PSAP: variants seen among roughly 807,000 people sequenced by gnomAD.
PSAP encodes precursor of saposins.
Under a neutral mutation model 66.0 loss-of-function variants are expected in PSAP, and 25 were observed. The ratio of observed to expected loss-of-function variants is 0.38; its 90% CI spans 0.28 to 0.53. PSAP has a LOEUF of 0.53. Ranked by LOEUF, PSAP falls within the 20% of genes least tolerant of loss-of-function variation. The pLI, the probability that PSAP is intolerant of heterozygous loss-of-function variation, is 0.83. For missense variants in PSAP, 649 were observed against 668.8 expected (o/e 0.97, Z 0.33); for synonymous variants, 273 against 258.9 (o/e 1.05, Z -0.52).
intron 1 of PSAP, among the ~76,000 whole-genome samples, chr10:71,843,425 A>ACT (rs141744411): frequency 0.025 from 3,856 of 152,168 alleles, 164 homozygotes; most frequent in African/African-American, 0.089. Context: ...TGAAAAAGAG[A>ACT]CTTACTCGTA....
At chr10:71,836,521 C>T (rs1842631821) in intron 1 of PSAP, among the ~76,000 whole-genome samples, 1 of 152,142 alleles carries the variant, frequency 6.6e-6, no homozygotes, top group Non-Finnish European at 1.5e-5. Flanking sequence ...CCATGATACA[C>T]TGCCTAGCCC....
At chr10:71,823,933 TA>T in intron 7 of PSAP, 1 of 1,286,452 alleles carries the variant, frequency 7.8e-7, no homozygotes, top group Non-Finnish European at 1.0e-6. Context: ...GAGGTGAAAA[TA>T]AGAGAAAGGA....
At chr10:71,839,203 G>T (rs1356104574) in intron 1 of PSAP, among the ~76,000 whole-genome samples, 1 of 151,888 alleles carries the variant, frequency 6.6e-6, no homozygotes, top group Non-Finnish European at 1.5e-5. Context: ...TCACTTCTTA[G>T]TTCAAGGGCC....
intron 7 of PSAP, chr10:71,822,623 C>T: frequency 4.2e-6 from 2 of 472,240 alleles, no homozygotes; most frequent in Middle Eastern, 3.3e-4. Context: ...ACCATTTAGA[C>T]ACCAAACACA....
chr10:71,838,433 C>T (rs767949534), intron 1 of PSAP, among the ~76,000 whole-genome samples: 8 of 104,848 alleles, frequency 7.6e-5, no homozygotes, highest in African/African-American at 2.3e-4. Context: ...TTCAGAGACA[C>T]GCGGTCATCT....
At chr10:71,829,134 A>T (rs1189647600) in intron 4 of PSAP, 57 bp from the exon 5 acceptor site, 11 of 1,504,438 alleles carry the variant, frequency 7.3e-6, no homozygotes, top group Non-Finnish European at 1.0e-5. Context: ...AAAATAAGAC[A>T]GGCCATCTAG....
At position 71,820,439 on chromosome 10, in the gene PSAP, C is replaced by T. The variant is rs541603678; in HGVS notation, c.910-104G>A. The stretch of plus-strand genomic sequence containing the variant: ...ACACAGAGACCAGGGTGGGTTAGCA[C>T]ATCAAGGGCCACTGCCTCCTGAATT... On this transcript the variant is annotated intron_variant, in intron 8 of 13. Transcript: ENST00000394936. 26 of 878,436 alleles carry T rather than the reference C, an allele frequency of 3.0e-5. No individual in the cohort carries two copies. In the East Asian group the frequency reaches 3.9e-4, roughly 13 times the overall value. The allele number at this position is 878,436 out of a possible 1,614,324, so 54.4% of individuals were successfully genotyped here. A position where few individuals can be genotyped will look rare whatever the true frequency, so the allele number is the denominator to read the frequency against.
intron 12 of PSAP, 22 bp from the exon 13 acceptor site, chr10:71,818,746 G>C (rs885828): frequency 2.5e-6 from 4 of 1,592,058 alleles, no homozygotes; most frequent in Non-Finnish European, 2.6e-6. Flanking sequence ...GAAAAGGAAA[G>C]AAGAAAGGGG....
chr10:71,816,658 AGGCACAGCG>A lies in PSAP; in HGVS notation c.*774_*782del. ...CCAGGGACATGTAGGCAACACGAGCAGGCACAGCGCGGCCACCACTGTCCACACGCTCAC... is the reference window on the plus strand; with the variant it reads ...CCAGGGACATGTAGGCAACACGAGCACGGCCACCACTGTCCACACGCTCAC... On this transcript the variant is annotated 3_prime_UTR_variant, in exon 14 of 14. Transcript: ENST00000394936. 2.8e-6 allele frequency: 1 copy of A among 354,946 alleles called. No individual in the cohort carries two copies. Among genetic ancestry groups the A allele is most frequent in the South Asian group, 2.1e-5 (1 of 48,548 alleles). 22.0% of individuals were successfully genotyped at this position (354,946 alleles called of 1,614,324 possible). A position where few individuals can be genotyped will look rare whatever the true frequency, so the allele number is the denominator to read the frequency against.
At position 71,828,966 on chromosome 10, in the gene PSAP, C is replaced by A. The variant is rs752742725; in HGVS notation, c.487G>T (p.Asp163Tyr). The change falls in exon 5 of 14, where the codon GAC (aspartate) becomes TAC (tyrosine). Residue 163 changes from aspartate (D) to tyrosine (Y), a missense_variant. By Grantham distance (160) the Asp-to-Tyr change is radical (BLOSUM62 -3). Transcript: ENST00000394936. The part of the protein sequence containing the change: ...QLESNKIPEL[D>Y]MTEVVAPFMA... ...AAGGGGGCCACCACCTCAGTCATGT[C>A]CAGCTCTGGGATCTTATTGGACTCC... 2.5e-6 allele frequency: 4 copies of A among 1,614,142 alleles called. No homozygotes were observed. The South Asian group carries it at 4.4e-5, about 18-fold the overall frequency.
At chr10:71,823,885 T>C (rs1842350931) in intron 7 of PSAP, 2 of 1,294,742 alleles carry the variant, frequency 1.5e-6, no homozygotes, top group Non-Finnish European at 2.0e-6. Context: ...CCCCGACACA[T>C]ACCTGATCCT....
intron 6 of PSAP, among the ~76,000 whole-genome samples, chr10:71,826,620 G>C (rs944354268): frequency 6.6e-6 from 1 of 152,100 alleles, no homozygotes; most frequent in South Asian, 2.1e-4. Flanking sequence ...GCTCACTCCT[G>C]TAATCCCAGC....
At chr10:71,820,183 G>T in intron 9 of PSAP, 57 bp downstream of exon 9, 1 of 1,449,330 alleles carries the variant, frequency 6.9e-7, no homozygotes, top group African/African-American at 1.4e-5. Flanking sequence ...TTCCCACTGG[G>T]ACATTCAGGC....
chr10:71,816,445 G>A lies in PSAP; in HGVS notation c.*996C>T, dbSNP rs1459703408. 8.5e-6 allele frequency: 4 copies of A among 471,236 alleles called. No homozygotes were observed. The highest frequency in any genetic ancestry group is 1.8e-5 in the Non-Finnish European group (4 of 227,054). 29.2% of individuals were successfully genotyped at this position (471,236 alleles called of 1,614,324 possible). On this transcript the variant is annotated 3_prime_UTR_variant, in exon 14 of 14. Coordinates refer to ENST00000394936, the MANE Select transcript of PSAP (RefSeq NM_002778.4). Reference sequence around the variant, plus strand: ...AGTGGACAGAAGCGTGGGTGCCCAAGTGGGCCACAGACAGCTTCCAACCCC... The same window carrying A: ...AGTGGACAGAAGCGTGGGTGCCCAAATGGGCCACAGACAGCTTCCAACCCC...
chr10:71,846,502 A>G (rs1250045045), intron 1 of PSAP, among the ~76,000 whole-genome samples: 1 of 151,710 alleles, frequency 6.6e-6, no homozygotes, highest in African/African-American at 2.4e-5. Flanking sequence ...AGGCAGACAG[A>G]TCACTTGAGG....
intron 1 of PSAP, among the ~76,000 whole-genome samples, chr10:71,850,828 C>T (rs772175923): frequency 2.0e-5 from 3 of 152,260 alleles, no homozygotes; most frequent in Non-Finnish European, 4.4e-5. Flanking sequence ...AGCACAGGCA[C>T]AACACAGCTG....
chr10:71,821,791 G>C, intron 8 of PSAP, 85 bp downstream of exon 8: 28 of 1,582,346 alleles, frequency 1.8e-5, no homozygotes, highest in Non-Finnish European at 2.4e-5. Context: ...AAAGAAACAA[G>C]TGACTCGTAA....
Position 71,831,250 on chromosome 10 carries a change from T to C in PSAP, c.251A>G (p.Glu84Gly), listed in dbSNP as rs1842509246. The C allele has an allele frequency of 6.2e-7, 1 of 1,613,562 alleles. No individual in the cohort carries two copies. Among genetic ancestry groups the C allele is most frequent in the South Asian group, 1.1e-5 (1 of 91,086 alleles). ...CTTCTCCAAGTAAACAAGGATCTCC[T>C]CCTACGAGAGGACACCAGGGTCAGA... ...GDMLKDNATEEEILVYLEKTC... is the reference protein window; with the variant it reads ...GDMLKDNATEGEILVYLEKTC... The change falls in exon 4 of 14, where the codon GAG (glutamate) becomes GGG (glycine). Residue 84 changes from glutamate to glycine, a missense_variant and splice_region_variant. Coordinates refer to ENST00000394936, the MANE Select transcript of PSAP (RefSeq NM_002778.4).
intron 1 of PSAP, among the ~76,000 whole-genome samples, chr10:71,837,940 C>A (rs1457273216): frequency 6.6e-6 from 1 of 152,216 alleles, no homozygotes; most frequent in Non-Finnish European, 1.5e-5. Flanking sequence ...AGACAGATCT[C>A]AGGTGCTTGG....
Sources: gnomAD v4.1 joint callset for allele counts (sites outside exome capture counted in the v4.1 genomes callset) on GRCh38, gnomAD v4.1.1 for gene constraint, MANE v1.5 for transcripts, NCBI Gene and HGNC (gene_info 2026-07-23, HGNC 2026-07-21) for gene names.